Variants in ABCC5 observed in about 807,000 individuals in gnomAD.
ABCC5 encodes ATP binding cassette subfamily C member 5.
In ABCC5, 61 loss-of-function variants were observed where a neutral mutation model predicts 160.9. The ratio of observed to expected loss-of-function variants is 0.38; its 90% CI spans 0.31 to 0.47. ABCC5 has a LOEUF of 0.47. Among genes scored for constraint, ABCC5 ranks in the 20% least tolerant of loss-of-function variants. The pLI, the probability that ABCC5 is intolerant of heterozygous loss-of-function variation, is 0.99. For missense variants in ABCC5, 1,308 were observed against 1,813.3 expected (o/e 0.72, Z 5.06); for synonymous variants, 666 against 700.6 (o/e 0.95, Z 0.78).
At chr3:183,999,693 C>T (rs1257121009) in intron 2 of ABCC5, among the ~76,000 whole-genome samples, 1 of 152,036 alleles carries the variant, frequency 6.6e-6, no homozygotes, top group Non-Finnish European at 1.5e-5. Flanking sequence ...GCAGGAGGAT[C>T]GCTTGATCCT....
At chr3:183,927,574 T>C in intron 27 of ABCC5, 131 bp from the exon 28 acceptor site, 1 of 1,440,086 alleles carries the variant, frequency 6.9e-7, no homozygotes, top group African/African-American at 1.4e-5. Context: ...TCATCTGGAA[T>C]GAAGGTGCAG....
intron 7 of ABCC5, 56 bp from the exon 8 acceptor site, chr3:183,981,930 C>T: frequency 1.3e-6 from 2 of 1,555,570 alleles, no homozygotes; most frequent in Non-Finnish European, 1.7e-6. Context: ...TTGAGAACTA[C>T]CTAATCTGCT....
At position 183,950,217 on chromosome 3, in the gene ABCC5, T is replaced by TAGA. The variant is rs528768152; in HGVS notation, c.2945-93_2945-92insTCT. 8.1e-5 allele frequency: 112 copies of TAGA among 1,378,802 alleles called. No individual in the cohort carries two copies. In the East Asian group the frequency reaches 2.5e-3, roughly 30 times the overall value. The allele number at this position is 1,378,802 out of a possible 1,614,324, so 85.4% of individuals were successfully genotyped here. A position where few individuals can be genotyped will look rare whatever the true frequency, so the allele number is the denominator to read the frequency against. On this transcript the variant is annotated intron_variant, in intron 20 of 29. Transcript: ENST00000334444. Reference sequence around the variant, plus strand: ...ACAAAAAGGGGTTCCACAAACTCTCTATCTGAAGTTTGTGATGTTGTCTTT... The same window carrying TAGA: ...ACAAAAAGGGGTTCCACAAACTCTCTAGAATCTGAAGTTTGTGATGTTGTCTTT...
Position 183,942,973 on chromosome 3 carries a change from G to A in ABCC5, c.3505-57C>T, listed in dbSNP as rs538664165. The A allele has an allele frequency of 7.9e-6, 12 of 1,517,030 alleles. No homozygotes were observed. The Admixed American group carries it at 2.5e-4, about 32-fold the overall frequency. The allele number at this position is 1,517,030 out of a possible 1,614,324, so 94.0% of individuals were successfully genotyped here. On this transcript the variant is annotated intron_variant, in intron 24 of 29. Coordinates refer to ENST00000334444, the MANE Select transcript of ABCC5 (RefSeq NM_005688.4). ...ACCACAGATTCTTGGGGAGCTGCAG[G>A]CTTTGTCACAGAGAAATAAAACCAG...
intron 2 of ABCC5, among the ~76,000 whole-genome samples, chr3:184,005,818 C>T (rs1721148070): frequency 6.6e-6 from 1 of 151,872 alleles, no homozygotes. Context: ...GGAAACCCAC[C>T]TAACTGTGGA....
chr3:183,972,102 G>C, intron 10 of ABCC5, 183 bp from the exon 11 acceptor site: 2 of 1,253,146 alleles, frequency 1.6e-6, no homozygotes, highest in Admixed American at 4.0e-5. Context: ...ACGGGAGTGT[G>C]GGGCAACCTC....
chr3:183,934,006 C>T (rs924192526), intron 26 of ABCC5, among the ~76,000 whole-genome samples: 7 of 152,128 alleles, frequency 4.6e-5, no homozygotes, highest in African/African-American at 1.7e-4. Flanking sequence ...TATCTTCTAA[C>T]TAAAGCAAAA....
chr3:183,974,800 A>C (rs1188583830), intron 10 of ABCC5, among the ~76,000 whole-genome samples: 2 of 152,190 alleles, frequency 1.3e-5, no homozygotes, highest in Non-Finnish European at 2.9e-5. Context: ...TACATAAATA[A>C]ATTTTATATC....
chr3:183,965,518 C>T lies in ABCC5; in HGVS notation c.1834-17G>A, dbSNP rs1451137964. The T allele has an allele frequency of 2.4e-5, 39 of 1,613,246 alleles. No homozygotes were observed. Among genetic ancestry groups the T allele is most frequent in the Non-Finnish European group, 3.1e-5 (37 of 1,179,804 alleles). On this transcript the variant is annotated splice_polypyrimidine_tract_variant and intron_variant, in intron 12 of 29. Coordinates refer to ENST00000334444, the MANE Select transcript of ABCC5 (RefSeq NM_005688.4). ...AAGCGTCATCTAGGGAGAGAGACACCATCCAATGGCATCATAACTCAAAAC... is the reference window on the plus strand; with the variant it reads ...AAGCGTCATCTAGGGAGAGAGACACTATCCAATGGCATCATAACTCAAAAC...
rs1439433714 is a variant in ABCC5, at chr3:183,971,762, C to T, written c.1562G>A (p.Arg521Lys). ...KLTPKMKKDKRASRGKKEKVR... is the reference protein window; with the variant it reads ...KLTPKMKKDKKASRGKKEKVR... ...CTTCTCTTTCTTGCCCCTGGAAGCCCTCTTGTCTTTTTTCATTTTGGGGGT... is the reference window on the plus strand; with the variant it reads ...CTTCTCTTTCTTGCCCCTGGAAGCCTTCTTGTCTTTTTTCATTTTGGGGGT... The change falls in exon 11 of 30, where the codon AGG becomes AAG. Residue 521 changes from arginine to lysine, a missense_variant. By Grantham distance (26) the Arg-to-Lys change is conservative (BLOSUM62 2). Around this residue, in one of 3 missense-constraint regions of ABCC5, gnomAD observed 1,142 missense variants for 1,527.1 expected, o/e 0.75. Transcript: ENST00000334444. 1 of 1,614,068 alleles carries T rather than the reference C, an allele frequency of 6.2e-7. No homozygotes were observed. The highest frequency in any genetic ancestry group is 1.3e-5 in the African/African-American group (1 of 74,916).
At chr3:183,952,056 C>A (rs1699130920) in intron 18 of ABCC5, 53 bp from the exon 19 acceptor site, 11 of 1,570,492 alleles carry the variant, frequency 7.0e-6, no homozygotes, top group Middle Eastern at 3.4e-4. Context: ...TGCCAAGAGC[C>A]CCTGCTCAGC....
At chr3:183,925,839 T>TA in intron 28 of ABCC5, 120 bp from the exon 29 acceptor site, 40 of 1,037,982 alleles carry the variant, frequency 3.9e-5, no homozygotes, top group African/African-American at 1.1e-4. Flanking sequence ...TTCTTTTCTT[T>TA]CTTTTTTTTT....
chr3:183,991,704 A>G (rs2108875937), intron 2 of ABCC5, among the ~76,000 whole-genome samples: 1 of 152,258 alleles, frequency 6.6e-6, no homozygotes, highest in Non-Finnish European at 1.5e-5. Flanking sequence ...ACAAGAACGA[A>G]CTCGCTCTTA....
chr3:184,012,208 C>T (rs2108930231), intron 2 of ABCC5, among the ~76,000 whole-genome samples: 2 of 152,048 alleles, frequency 1.3e-5, no homozygotes, highest in South Asian at 4.2e-4. Flanking sequence ...TTTATAATTG[C>T]ATGTAAATCT....
In ABCC5 at chr3:183,959,786, T is replaced by C. The variant is rs1202598067; in HGVS notation, c.2429A>G (p.Lys810Arg). ...TSGSQKKSQD[K>R]GPKTGSVKKE... is the part of the protein sequence containing the mutation. ...CTTTACTGATCCTGTTTTAGGACCC[T>C]TGTCTTGTGACTTCTTCTGTGAACC... Residue 810 changes from lysine (K) to arginine (R), a missense_variant, in exon 17 of 30, where the codon AAG becomes AGG. Physicochemically the swap from Lys to Arg is conservative, Grantham distance 26. Transcript: ENST00000334444. The C allele has an allele frequency of 6.2e-7, 1 of 1,613,106 alleles. No individual in the cohort carries two copies. The highest frequency in any genetic ancestry group is 8.5e-7 in the Non-Finnish European group (1 of 1,179,532).
rs865998678 is a variant in ABCC5, at chr3:183,965,639, C to T, written c.1834-138G>A. ...TTTTGGACCCAAATCCAGATTCCAC[C>T]TTTAATTCCAAAGAGAGCTAAGCAG... On this transcript the variant is annotated intron_variant, in intron 12 of 29. Coordinates refer to ENST00000334444, the MANE Select transcript of ABCC5 (RefSeq NM_005688.4). The T allele has an allele frequency of 2.6e-5, 30 of 1,139,566 alleles. No individual in the cohort carries two copies. In the South Asian group the frequency reaches 2.9e-4, roughly 11 times the overall value. The allele number at this position is 1,139,566 out of a possible 1,614,324, so 70.6% of individuals were successfully genotyped here. A position where few individuals can be genotyped will look rare whatever the true frequency, so the allele number is the denominator to read the frequency against.
In ABCC5 at chr3:183,921,593, A is replaced by G. The variant is rs1334506937; in HGVS notation, c.4213-192T>C. ...GGGAGTAAGGGAAAGGACAGAGAAA[A>G]TGACTTCCAGCATTTTTGTAGTATG... On this transcript the variant is annotated intron_variant, in intron 29 of 29. Coordinates refer to ENST00000334444, the MANE Select transcript of ABCC5 (RefSeq NM_005688.4). The surrounding 1 kb of genome is among the most constrained non-coding windows in gnomAD (Gnocchi z 4.1). Among the ~76,000 whole-genome samples the G allele has an allele frequency of 6.6e-6, 1 of 151,458 alleles. No homozygotes were observed. Among genetic ancestry groups the G allele is most frequent in the Non-Finnish European group, 1.5e-5 (1 of 67,876 alleles).
intron 3 of ABCC5, 58 bp downstream of exon 3, chr3:183,989,157 CAAAAAAAAAAA>C (rs34892836): frequency 2.8e-4 from 162 of 570,082 alleles, no homozygotes; most frequent in Middle Eastern, 1.1e-3. Flanking sequence ...GACTCCATCT[CAAAAAAAAAAA>C]AAAAAAAAAA....
chr3:183,955,143 A>G (rs1715755123), intron 17 of ABCC5, among the ~76,000 whole-genome samples: 1 of 152,192 alleles, frequency 6.6e-6, no homozygotes, highest in Admixed American at 6.5e-5. Flanking sequence ...CAAAGGTGTC[A>G]GACCCTCTGG....
Sources: allele counts gnomAD v4.1 joint callset (sites outside exome capture counted in the v4.1 genomes callset), GRCh38; gene constraint gnomAD v4.1.1; regional missense constraint gnomAD v4.1.1; non-coding constraint Gnocchi (gnomAD v3.1); transcripts MANE v1.5; gene names NCBI Gene and HGNC (gene_info 2026-07-23, HGNC 2026-07-21).